The following HMG20A variants were observed in gnomAD, a reference collection of about 807,000 sequenced individuals.
The protein encoded by HMG20A is high mobility group protein 20A.
In HMG20A, 17 loss-of-function variants were observed where a neutral mutation model predicts 43.9. The observed-to-expected ratio is 0.39, with a 90% CI of 0.27 to 0.58. HMG20A has a LOEUF of 0.58. Among genes scored for constraint, HMG20A ranks in the 20% least tolerant of loss-of-function variants. HMG20A has a pLI of 0.59. For missense variants in HMG20A, 341 were observed against 438.2 expected (o/e 0.78, Z 1.98); for synonymous variants, 132 against 147.5 (o/e 0.89, Z 0.76).
chr15:77,498,929 T>TTTTA, the HMG20A span, among the ~76,000 whole-genome samples: 1 of 152,198 alleles, frequency 6.6e-6, no homozygotes. Flanking sequence ...TTGTGATTTT[T>TTTTA]TTATAAGTCC....
chr15:77,502,349 C>A, the HMG20A span, among the ~76,000 whole-genome samples: 1 of 152,242 alleles, frequency 6.6e-6, no homozygotes, highest in Non-Finnish European at 1.5e-5. Flanking sequence ...TCCCTAAACA[C>A]ACCTTGCAAA....
chr15:77,467,496 G>A (rs750728036), intron 4 of HMG20A, among the ~76,000 whole-genome samples, 189 bp downstream of exon 4: 1 of 152,188 alleles, frequency 6.6e-6, no homozygotes, highest in Non-Finnish European at 1.5e-5. Flanking sequence ...TGCTAGAGGG[G>A]TGTGAGCAGG....
chr15:77,429,219 G>GT lies in HMG20A; in HGVS notation c.-5+8223dup, dbSNP rs200872703. Among the ~76,000 whole-genome samples the GT allele has an allele frequency of 5.3e-3, 800 of 150,574 alleles. 3 individuals are homozygous for GT. The highest frequency in any genetic ancestry group is 0.016 in the African/African-American group (641 of 41,040). On this transcript the variant is annotated intron_variant, in intron 1 of 9. Coordinates refer to ENST00000336216, the MANE Select transcript of HMG20A (RefSeq NM_001304504.2). The stretch of plus-strand genomic sequence containing the variant: ...ATAATTTAATATGGTGGGTTTTTTT[G>GT]TTTTTTTTGTTTTTTTGAGACGGAG...
intron 1 of HMG20A, among the ~76,000 whole-genome samples, chr15:77,451,906 G>A (rs977139724): frequency 6.6e-6 from 1 of 152,142 alleles, no homozygotes; most frequent in Non-Finnish European, 1.5e-5. Flanking sequence ...TTCCAATACA[G>A]AATATACATC....
the HMG20A span, among the ~76,000 whole-genome samples, chr15:77,499,134 C>G: frequency 6.6e-6 from 1 of 152,160 alleles, no homozygotes; most frequent in Non-Finnish European, 1.5e-5. Flanking sequence ...TACATTCTAC[C>G]ATTCTGTGGG....
intron 1 of HMG20A, among the ~76,000 whole-genome samples, chr15:77,430,627 G>A (rs2073474624): frequency 6.6e-6 from 1 of 152,156 alleles, no homozygotes; most frequent in African/African-American, 2.4e-5. Context: ...AGTTTTATGG[G>A]GCGGAGCAGA....
At chr15:77,432,032 G>T (rs1447738135) in intron 1 of HMG20A, among the ~76,000 whole-genome samples, 1 of 152,158 alleles carries the variant, frequency 6.6e-6, no homozygotes, top group East Asian at 1.9e-4. Flanking sequence ...TTCATCTGTT[G>T]ATGGATACTG....
intron 1 of HMG20A, among the ~76,000 whole-genome samples, chr15:77,434,120 T>C (rs542126568): frequency 6.6e-6 from 1 of 152,040 alleles, no homozygotes; most frequent in Non-Finnish European, 1.5e-5. Context: ...TCCACCACAG[T>C]AGGGGAGGGA....
rs541163646 is a variant in HMG20A at position 77,432,780 on chromosome 15, T to C, written c.-5+11776T>C. ...CATTAGGAAATAACAAGACCAAAAG[T>C]TGGTTCCTTAAAAAGATTAGTAAAA... On this transcript the variant is annotated intron_variant, in intron 1 of 9. Coordinates refer to ENST00000336216, the MANE Select transcript of HMG20A (RefSeq NM_001304504.2). Among the ~76,000 whole-genome samples, 6 of 146,036 alleles carry C rather than the reference T, an allele frequency of 4.1e-5. No individual in the cohort carries two copies. The East Asian group carries it at 1.2e-3, about 29-fold the overall frequency.
At chr15:77,490,232 G>A (rs1298012748), downstream of HMG20A, among the ~76,000 whole-genome samples, 1 of 152,142 alleles carries the variant, frequency 6.6e-6, no homozygotes, top group Non-Finnish European at 1.5e-5. Flanking sequence ...GGGTTGCAGT[G>A]AGCCAAGATT....
At chr15:77,436,387 A>G (rs1323298067) in intron 1 of HMG20A, among the ~76,000 whole-genome samples, 3 of 151,920 alleles carry the variant, frequency 2.0e-5, no homozygotes, top group Middle Eastern at 3.4e-3. Flanking sequence ...AGCCACTGTC[A>G]TGCTATGGTG....
the HMG20A span, among the ~76,000 whole-genome samples, chr15:77,504,912 G>A: frequency 6.6e-6 from 1 of 152,224 alleles, no homozygotes; most frequent in Non-Finnish European, 1.5e-5. Flanking sequence ...TGAAGCAATA[G>A]GGGCCATGAC....
chr15:77,458,320 C>A, intron 1 of HMG20A, 84 bp from the exon 2 acceptor site: 1 of 851,250 alleles, frequency 1.2e-6, no homozygotes, highest in Non-Finnish European at 1.9e-6. Flanking sequence ...TGATAAAGTT[C>A]AAGAAGGCTG....
downstream of HMG20A, among the ~76,000 whole-genome samples, chr15:77,487,627 T>A (rs1005885442): frequency 6.6e-6 from 1 of 152,176 alleles, no homozygotes; most frequent in Admixed American, 6.6e-5. Context: ...TTTGTTCCCT[T>A]TCTCTAACTG....
intron 1 of HMG20A, among the ~76,000 whole-genome samples, chr15:77,453,961 A>T (rs1380395785): frequency 6.6e-6 from 1 of 151,770 alleles, no homozygotes; most frequent in African/African-American, 2.4e-5. Flanking sequence ...GCTTGAGGCT[A>T]GGAATTCAAG....
intron 8 of HMG20A, 60 bp downstream of exon 8, chr15:77,478,570 G>A (rs1313676962): frequency 5.1e-6 from 7 of 1,375,604 alleles, no homozygotes; most frequent in African/African-American, 4.3e-5. Flanking sequence ...GTGGAGTGGG[G>A]TGCTGTTTAT....
intron 1 of HMG20A, among the ~76,000 whole-genome samples, chr15:77,428,648 T>C (rs1015167293): frequency 1.3e-5 from 2 of 152,096 alleles, no homozygotes; most frequent in African/African-American, 4.8e-5. Flanking sequence ...GATAAGGCAA[T>C]TCAAGGCTCG....
chr15:77,515,409 A>ATATTTATT, the HMG20A span, among the ~76,000 whole-genome samples: 36,345 of 150,746 alleles, frequency 0.24, 4,942 homozygotes, highest in Non-Finnish European at 0.31. Flanking sequence ...TTATTTTTAA[A>ATATTTATT]TATTTATTTA....
chr15:77,512,084 A>T, the HMG20A span, among the ~76,000 whole-genome samples: 1 of 152,264 alleles, frequency 6.6e-6, no homozygotes, highest in Non-Finnish European at 1.5e-5. Flanking sequence ...AGTCTTAAAC[A>T]GGAAGGAAAT....
Sources: allele counts gnomAD v4.1 joint callset (sites outside exome capture counted in the v4.1 genomes callset), GRCh38; gene constraint gnomAD v4.1.1; transcripts MANE v1.5; gene names NCBI Gene and HGNC (gene_info 2026-07-23, HGNC 2026-07-21).